HERC2: variants seen among roughly 807,000 people sequenced by gnomAD.
The protein encoded by HERC2 is HECT and RLD domain containing E3 ubiquitin protein ligase 2.
A neutral mutation model predicts 537.7 loss-of-function variants in HERC2; 102 were observed. That is an observed-to-expected ratio of 0.19 (90% CI 0.16 to 0.22). The LOEUF (loss-of-function observed/expected upper bound fraction) is 0.22. Among genes scored for constraint, HERC2 ranks in the 10% least tolerant of loss-of-function variants. The pLI is 1.00. For synonymous variants in HERC2, 2,224 were observed against 2,466.2 expected (o/e 0.90, Z 2.91); for missense variants, 4,236 against 6,198.2 (o/e 0.68, Z 10.63).
intron 86 of HERC2, among the ~76,000 whole-genome samples, chr15:28,118,946 T>C (rs760655580): frequency 2.6e-5 from 4 of 152,186 alleles, no homozygotes; most frequent in Admixed American, 6.5e-5. Flanking sequence ...CATTGCACAC[T>C]AGGCTGAAGG....
intron 78 of HERC2, among the ~76,000 whole-genome samples, chr15:28,140,246 C>T (rs112907826): frequency 0.023 from 3,515 of 152,142 alleles, 131 homozygotes; most frequent in African/African-American, 0.08. Flanking sequence ...CATCTGCACC[C>T]GCTCCAGTCT....
chr15:28,238,495 A>G (rs1902694369), intron 24 of HERC2, 107 bp downstream of exon 24: 3 of 873,480 alleles, frequency 3.4e-6, no homozygotes, highest in Non-Finnish European at 5.4e-6. Context: ...ACATTAAAAT[A>G]TGTGGGGGCT....
intron 3 of HERC2, 90 bp from the exon 4 acceptor site, chr15:28,293,112 A>C (rs2076364167): frequency 6.5e-6 from 7 of 1,081,108 alleles, no homozygotes; most frequent in Non-Finnish European, 9.5e-6. Context: ...AAAAGTTACA[A>C]CACACATCAT....
chr15:28,276,306 G>A (rs1021098825), intron 5 of HERC2, among the ~76,000 whole-genome samples: 3 of 151,020 alleles, frequency 2.0e-5, no homozygotes, highest in Admixed American at 6.6e-5. Context: ...AACAGTACAC[G>A]CTTATCCACA....
chr15:28,199,951 A>G (rs1246564750), intron 48 of HERC2, among the ~76,000 whole-genome samples: 2 of 152,208 alleles, frequency 1.3e-5, no homozygotes, highest in Non-Finnish European at 2.9e-5. Context: ...AAGGAGTATT[A>G]TCATGAATGT....
intron 50 of HERC2, among the ~76,000 whole-genome samples, chr15:28,198,163 T>A (rs1897530096): frequency 1.3e-5 from 2 of 152,216 alleles, no homozygotes; most frequent in Non-Finnish European, 2.9e-5. Flanking sequence ...TGTGTTCTCC[T>A]GTACTGCAAT....
At chr15:28,298,132 T>A (rs576418052) in intron 3 of HERC2, among the ~76,000 whole-genome samples, 2 of 151,116 alleles carry the variant, frequency 1.3e-5, no homozygotes, top group Non-Finnish European at 2.9e-5. Flanking sequence ...TAATACTTTT[T>A]CCCATGGTTT....
intron 38 of HERC2, among the ~76,000 whole-genome samples, chr15:28,216,625 C>T (rs1899932053): frequency 6.6e-6 from 1 of 151,104 alleles, no homozygotes; most frequent in Admixed American, 6.6e-5. Context: ...TGCGCTCACA[C>T]ACACACACTC....
chr15:28,280,494 A>G (rs2075993316), intron 4 of HERC2, among the ~76,000 whole-genome samples: 1 of 152,184 alleles, frequency 6.6e-6, no homozygotes, highest in Admixed American at 6.5e-5. Context: ...TTATGGATGA[A>G]GAAACTGAGG....
rs1455372206 is a variant in HERC2, at chr15:28,219,641, C to CTATGG, written c.5845+806_5845+810dup. Among the ~76,000 whole-genome samples the CTATGG allele has an allele frequency of 9.2e-5, 14 of 152,330 alleles. No individual in the cohort carries two copies. In the East Asian group the frequency reaches 2.7e-3, roughly 29 times the overall value. On this transcript the variant is annotated intron_variant, in intron 37 of 92. Coordinates refer to ENST00000261609, the MANE Select transcript of HERC2 (RefSeq NM_004667.6). ...GTGTGCCCCGAGCCCAGACGGTGCG[C>CTATGG]TATGGCATAGCCTCTTCCAGCCCCC...
chr15:28,236,151 G>C lies in HERC2; in HGVS notation c.4003+812C>G, dbSNP rs142146918. 5.6e-3 allele frequency among the ~76,000 whole-genome samples: 847 copies of C among 152,132 alleles called. 7 individuals carry two copies. Among genetic ancestry groups the C allele is most frequent in the Admixed American group, 0.016 (248 of 15,294 alleles). ...ACGTGAGACCACCACAGGGTAGACG[G>C]GTAGAGATTCCTGCACACTTTTTAG... On this transcript the variant is annotated intron_variant, in intron 26 of 92. Transcript: ENST00000261609.
chr15:28,256,510 T>A (rs2075266793), intron 17 of HERC2, among the ~76,000 whole-genome samples, 193 bp from the exon 18 acceptor site: 1 of 152,208 alleles, frequency 6.6e-6, no homozygotes, highest in South Asian at 2.1e-4. Flanking sequence ...GGAATCTTTT[T>A]AACCCCACTA....
At position 28,179,217 on chromosome 15, in the gene HERC2, C is replaced by G. The variant is rs137879939; in HGVS notation, c.8944G>C (p.Val2982Leu). 2.4e-5 allele frequency: 39 copies of G among 1,599,606 alleles called. No individual in the cohort carries two copies. In the South Asian group the frequency reaches 4.0e-4, roughly 16 times the overall value. The change falls in exon 58 of 93, where the codon GTT (valine) becomes CTT (leucine). Residue 2982 changes from valine to leucine, a missense_variant. Val to Leu is a conservative substitution (Grantham distance 32). Around this residue, in one of 27 missense-constraint regions of HERC2, gnomAD observed 606 missense variants for 884.5 expected, o/e 0.69. Coordinates refer to ENST00000261609, the MANE Select transcript of HERC2 (RefSeq NM_004667.6). ...GACAGTGTCTCAGAGAACGAAGGAA[C>G]CTTTATCTACAACAGAATTTTTTTA... is the stretch of plus-strand genomic sequence containing the variant. The part of the protein sequence containing the change: ...LGGLKGSKIK[V>L]PSFSETLSAL...
intron 70 of HERC2, among the ~76,000 whole-genome samples, chr15:28,150,861 C>T (rs1892378251): frequency 6.6e-6 from 1 of 152,022 alleles, no homozygotes; most frequent in African/African-American, 2.4e-5. Flanking sequence ...TGATCCAAGG[C>T]TTTAATATCC....
chr15:28,317,556 A>G (rs1359414084), intron 2 of HERC2, among the ~76,000 whole-genome samples: 2 of 152,242 alleles, frequency 1.3e-5, no homozygotes, highest in Non-Finnish European at 2.9e-5. Flanking sequence ...GAGTAAAGAA[A>G]ATCATTTCCG....
intron 83 of HERC2, among the ~76,000 whole-genome samples, chr15:28,126,535 G>A (rs558575498): frequency 3.3e-4 from 51 of 152,324 alleles, no homozygotes; most frequent in African/African-American, 1.2e-3. Context: ...TATACACCAT[G>A]GAATACTACT....
intron 35 of HERC2, among the ~76,000 whole-genome samples, chr15:28,227,861 G>T (rs913371469): frequency 6.6e-6 from 1 of 151,940 alleles, no homozygotes; most frequent in African/African-American, 2.4e-5. Context: ...AGACACAAAG[G>T]CCACAAATGG....
At chr15:28,249,700 G>A (rs1021664453) in intron 20 of HERC2, among the ~76,000 whole-genome samples, 2 of 152,112 alleles carry the variant, frequency 1.3e-5, no homozygotes, top group African/African-American at 4.8e-5. Context: ...AGGCTGGAGT[G>A]CAGTGACATG....
intron 7 of HERC2, 121 bp downstream of exon 7, chr15:28,274,170 C>T (rs1175496147): frequency 1.1e-5 from 10 of 891,152 alleles, no homozygotes; most frequent in African/African-American, 1.0e-4. Context: ...ACTGACAGCC[C>T]GCTGAAAACA....
Sources: gnomAD v4.1 joint callset for allele counts (sites outside exome capture counted in the v4.1 genomes callset) on GRCh38, gnomAD v4.1.1 for gene constraint, gnomAD v4.1.1 regional missense constraint, MANE v1.5 for transcripts, NCBI Gene and HGNC (gene_info 2026-07-23, HGNC 2026-07-21) for gene names.